C6orf89: variants seen among roughly 807,000 people sequenced by gnomAD.
The protein encoded by C6orf89 is chromosome 6 open reading frame 89.
A neutral mutation model predicts 40.7 loss-of-function variants in C6orf89; 29 were observed. The ratio of observed to expected loss-of-function variants is 0.71; its 90% confidence interval spans 0.53 to 0.97. The LOEUF (loss-of-function observed/expected upper bound fraction) is 0.97. C6orf89 is among the 50% of genes least tolerant of loss of function. The pLI is 0.00. For synonymous variants in C6orf89, 165 were observed against 152.2 expected, an observed-to-expected ratio of 1.08 and a Z score of -0.62; for missense variants, 392 against 429.1, an observed-to-expected ratio of 0.91 and a Z score of 0.76.
At chr6:36,911,468 C>A (rs142565790) in intron 4 of C6orf89, among the ~76,000 whole-genome samples, 1 of 151,822 alleles carries the variant, frequency 6.6e-6, no homozygotes, top group African/African-American at 2.4e-5. Context: ...CCAGCCTGGG[C>A]GACAGAGCTA....
intron 4 of C6orf89, among the ~76,000 whole-genome samples, chr6:36,909,501 A>G (rs1284341002): frequency 6.6e-6 from 1 of 152,168 alleles, no homozygotes; most frequent in Non-Finnish European, 1.5e-5. Context: ...GTCTTTTCAA[A>G]TGGTTTATAG....
intron 4 of C6orf89, among the ~76,000 whole-genome samples, chr6:36,909,414 A>G (rs983220552): frequency 5.3e-5 from 8 of 152,154 alleles, no homozygotes; most frequent in Non-Finnish European, 1.2e-4. Context: ...GATGTTGTCA[A>G]TGTTTTGCCA....
chr6:36,879,703 G>A (rs190973348), intron 2 of C6orf89, among the ~76,000 whole-genome samples: 3 of 152,130 alleles, frequency 2.0e-5, no homozygotes, highest in South Asian at 2.1e-4. Context: ...CCACAAGCTC[G>A]CTGGTCAATA....
chr6:36,915,022 G>A (rs927254889), intron 6 of C6orf89, among the ~76,000 whole-genome samples: 4 of 152,092 alleles, frequency 2.6e-5, no homozygotes, highest in East Asian at 3.9e-4. Flanking sequence ...GGCACTTAGC[G>A]TGCGAGTAGG....
intron 8 of C6orf89, 75 bp from the exon 9 acceptor site, chr6:36,923,272 C>T (rs1762574684): frequency 1.9e-6 from 2 of 1,080,064 alleles, no homozygotes; most frequent in Non-Finnish European, 2.8e-6. Context: ...CTCTGGCAGA[C>T]CTGCCTTGCT....
chr6:36,890,125 T>C (rs1761138049), intron 1 of C6orf89, among the ~76,000 whole-genome samples: 1 of 152,124 alleles, frequency 6.6e-6, no homozygotes, highest in Admixed American at 6.5e-5. Flanking sequence ...CCTGCCTTCT[T>C]ACTTATTATT....
In C6orf89 at chr6:36,923,379, G is replaced by C. The variant is rs140792349; in HGVS notation, c.982G>C (p.Val328Leu). Residue 328 changes from valine (V) to leucine (L), a missense_variant, in exon 9 of 9, where the codon GTT (valine) becomes CTT (leucine). Val to Leu is a conservative substitution (Grantham distance 32, BLOSUM62 1). Transcript: ENST00000480824. ...CGACACCACCCACTGGAAGGTCTAC[G>C]TTATAGCCAGAGGGGTCCAGCCTTT... ...YVDTTHWKVY[V>L]IARGVQPLVI... The C allele has an allele frequency of 7.7e-4, 1,240 of 1,614,120 alleles. 9 individuals carry two copies. The African/African-American group carries it at 0.013, about 17-fold the overall frequency.
chr6:36,882,233 T>G (rs1405593863), upstream of C6orf89, among the ~76,000 whole-genome samples: 1 of 152,266 alleles, frequency 6.6e-6, no homozygotes, highest in Non-Finnish European at 1.5e-5. Flanking sequence ...AAGATTCTAT[T>G]TTGTAATATC....
chr6:36,903,304 TTA>T (rs1761792971), intron 4 of C6orf89, among the ~76,000 whole-genome samples: 1 of 152,128 alleles, frequency 6.6e-6, no homozygotes. Flanking sequence ...TTGGTGATGT[TTA>T]TCTTATTTGG....
chr6:36,903,831 AT>A (rs1761822928), intron 4 of C6orf89, among the ~76,000 whole-genome samples: 1 of 152,176 alleles, frequency 6.6e-6, no homozygotes, highest in South Asian at 2.1e-4. Context: ...TAAGACAAGA[AT>A]TCCACCTCAG....
rs750473961 is a variant in C6orf89 at position 36,923,614 on chromosome 6, C to A, written c.*173C>A. ...TGCAAGGCAGTGGCCAGAGCCTCGC[C>A]CTCCTGACTCTTCCTGCAGGTGGCT... On this transcript the variant is annotated 3_prime_UTR_variant, in exon 9 of 9. Transcript: ENST00000480824. The A allele has an allele frequency of 4.5e-6, 3 of 662,376 alleles. No homozygotes were observed. In the South Asian group the frequency reaches 4.7e-5, roughly 10 times the overall value. The allele number at this position is 662,376 out of a possible 1,614,324, so 41.0% of individuals were successfully genotyped here. A position where few individuals can be genotyped will look rare whatever the true frequency, so the allele number is the denominator to read the frequency against.
intron 3 of C6orf89, among the ~76,000 whole-genome samples, chr6:36,901,043 C>T (rs1761663949): frequency 1.3e-5 from 2 of 151,382 alleles, no homozygotes; most frequent in South Asian, 4.2e-4. Context: ...ATGGGAGTTT[C>T]ACTATGTTGG....
chr6:36,893,938 C>T (rs866810175), intron 1 of C6orf89, among the ~76,000 whole-genome samples: 3 of 151,208 alleles, frequency 2.0e-5, no homozygotes, highest in South Asian at 2.1e-4. Flanking sequence ...GCATGAGAAT[C>T]GCTTGAACCC....
intron 1 of C6orf89, among the ~76,000 whole-genome samples, chr6:36,886,869 T>C (rs999220325): frequency 1.1e-4 from 17 of 152,214 alleles, no homozygotes; most frequent in African/African-American, 3.9e-4. Context: ...TTTAAAATAA[T>C]AACTAATAAA....
rs545041659 is a variant in C6orf89 at position 36,919,497 on chromosome 6, G to A, written c.826-81G>A. ...AGGAAACTCAGAGCCATATGTGAAA[G>A]CATTTTTATTTACTAAACCCCCTGG... On this transcript the variant is annotated intron_variant, in intron 7 of 8. Coordinates refer to ENST00000480824, the MANE Select transcript of C6orf89 (RefSeq NM_001286635.2). 28 of 1,508,672 alleles carry A rather than the reference G, an allele frequency of 1.9e-5. No individual in the cohort carries two copies. The Admixed American group carries it at 1.9e-4, about 10-fold the overall frequency. The allele number at this position is 1,508,672 out of a possible 1,614,324, so 93.5% of individuals were successfully genotyped here.
At chr6:36,885,129 G>T (rs958644297), upstream of C6orf89, among the ~76,000 whole-genome samples, 3 of 152,212 alleles carry the variant, frequency 2.0e-5, no homozygotes, top group Non-Finnish European at 4.4e-5. Flanking sequence ...CCTTGTGGAT[G>T]AACTGTAACA....
Position 36,923,437 on chromosome 6 carries a change from T to C in C6orf89, c.1040T>C (p.Leu347Pro), listed in dbSNP as rs1177429950. The change falls in exon 9 of 9, where the codon CTG (leucine) becomes CCG (proline). Residue 347 changes from leucine (L) to proline (P), a missense_variant. Physicochemically the swap from Leu to Pro is moderately conservative, Grantham distance 98 (BLOSUM62 -3). Transcript: ENST00000480824. Reference protein sequence around the residue: ...VICDGTAFSEL With the variant: ...VICDGTAFSEP ...TGCGATGGAACCGCTTTCTCAGAAC[T>C]GTAGGAAATAGAACTGTGCACAGGA... 1 of 1,612,636 alleles carries C rather than the reference T, an allele frequency of 6.2e-7. No individual in the cohort carries two copies. The highest frequency in any genetic ancestry group is 8.5e-7 in the Non-Finnish European group (1 of 1,178,602).
intron 2 of C6orf89, among the ~76,000 whole-genome samples, chr6:36,896,005 T>A: frequency 6.6e-6 from 1 of 152,240 alleles, no homozygotes; most frequent in East Asian, 1.9e-4. Flanking sequence ...ACTTCTTGAT[T>A]GTAGCTATCC....
intron 4 of C6orf89, among the ~76,000 whole-genome samples, chr6:36,913,039 G>A (rs1387094682): frequency 2.6e-5 from 4 of 152,204 alleles, no homozygotes; most frequent in East Asian, 1.9e-4. Context: ...CTTCTGAAAC[G>A]TTTTAGATTC....
Sources: gnomAD v4.1 joint callset for allele counts (sites outside exome capture counted in the v4.1 genomes callset) on GRCh38, gnomAD v4.1.1 for gene constraint, MANE v1.5 for transcripts, NCBI Gene and HGNC (gene_info 2026-07-23, HGNC 2026-07-21) for gene names.